Variants in THSD7B observed in about 807,000 individuals in gnomAD.
THSD7B encodes thrombospondin type-1 domain-containing protein 7B.
Under a neutral mutation model 213.6 loss-of-function variants are expected in THSD7B, and 138 were observed. The observed-to-expected ratio is 0.65, with a 90% CI of 0.56 to 0.74. The LOEUF is 0.74. Among genes scored for constraint, THSD7B ranks in the 30% least tolerant of loss-of-function variants. THSD7B has a pLI of 0.00. For missense variants in THSD7B, 1,931 were observed against 1,991.5 expected (o/e 0.97, Z 0.58); for synonymous variants, 742 against 687.0 (o/e 1.08, Z -1.25).
intron 7 of THSD7B, among the ~76,000 whole-genome samples, chr2:137,208,447 T>G (rs1421919049): frequency 6.6e-6 from 1 of 152,062 alleles, no homozygotes; most frequent in East Asian, 1.9e-4. Flanking sequence ...CTTTTTATTT[T>G]GTCGTGCTTT....
intron 12 of THSD7B, among the ~76,000 whole-genome samples, chr2:137,337,436 G>A (rs568797598): frequency 6.6e-6 from 1 of 152,140 alleles, no homozygotes; most frequent in East Asian, 1.9e-4. Context: ...GGCAATAATA[G>A]CATCGAATCA....
At chr2:137,489,031 T>G (rs963010280) in intron 15 of THSD7B, among the ~76,000 whole-genome samples, 1 of 152,226 alleles carries the variant, frequency 6.6e-6, no homozygotes, top group African/African-American at 2.4e-5. Flanking sequence ...CTATACTTAT[T>G]GACTAAAAGA....
At chr2:137,546,017 G>A (rs1680701457) in intron 15 of THSD7B, among the ~76,000 whole-genome samples, 1 of 151,182 alleles carries the variant, frequency 6.6e-6, no homozygotes, top group Non-Finnish European at 1.5e-5. Context: ...GGGTAATATT[G>A]TCTTATTACT....
At chr2:137,144,752 A>G (rs1297331093) in intron 5 of THSD7B, among the ~76,000 whole-genome samples, 1 of 152,096 alleles carries the variant, frequency 6.6e-6, no homozygotes, top group Non-Finnish European at 1.5e-5. Flanking sequence ...TTTCATGGAG[A>G]AGAACATCAT....
chr2:137,454,691 C>A (rs746907744), intron 15 of THSD7B, among the ~76,000 whole-genome samples: 6 of 151,984 alleles, frequency 3.9e-5, no homozygotes, highest in Non-Finnish European at 7.4e-5. Flanking sequence ...TTATTTATGG[C>A]AATTCTTTAG....
At chr2:136,978,763 T>C (rs150762536) in intron 2 of THSD7B, among the ~76,000 whole-genome samples, 77 of 152,298 alleles carry the variant, frequency 5.1e-4, no homozygotes, top group Non-Finnish European at 7.5e-4. Context: ...TGTCTTTTGA[T>C]TGGGGCATTT....
chr2:136,944,990 T>C (rs1373673551), intron 2 of THSD7B, among the ~76,000 whole-genome samples: 1 of 152,204 alleles, frequency 6.6e-6, no homozygotes, highest in Admixed American at 6.5e-5. Context: ...GCATCGATGG[T>C]CTTTACAATT....
At chr2:136,965,463 G>C (rs1231389772) in intron 2 of THSD7B, among the ~76,000 whole-genome samples, 1 of 152,220 alleles carries the variant, frequency 6.6e-6, no homozygotes, top group Non-Finnish European at 1.5e-5. Context: ...ACCTGGAGGA[G>C]AGGAAGGAGC....
intron 17 of THSD7B, among the ~76,000 whole-genome samples, chr2:137,606,344 G>A (rs1268794955): frequency 6.6e-6 from 1 of 152,172 alleles, no homozygotes; most frequent in Non-Finnish European, 1.5e-5. Context: ...CTAGCCCCAA[G>A]TATGCAACTG....
At chr2:136,993,057 G>C (rs1162297833) in intron 2 of THSD7B, among the ~76,000 whole-genome samples, 3 of 152,176 alleles carry the variant, frequency 2.0e-5, no homozygotes, top group Non-Finnish European at 4.4e-5. Context: ...TCAGTCAAGT[G>C]ATGAGCAAAA....
intron 11 of THSD7B, among the ~76,000 whole-genome samples, chr2:137,274,301 A>G (rs574034926): frequency 1.3e-5 from 2 of 152,246 alleles, no homozygotes; most frequent in African/African-American, 4.8e-5. Context: ...TTTTATCATT[A>G]TCTTCTGATT....
intron 2 of THSD7B, among the ~76,000 whole-genome samples, chr2:136,944,025 A>G (rs1030279943): frequency 2.0e-5 from 3 of 152,140 alleles, no homozygotes; most frequent in Admixed American, 2.0e-4. Context: ...ATCTAGTGCT[A>G]TACATTTCCC....
chr2:136,767,564 GA>G (rs898316020), intron 1 of THSD7B, among the ~76,000 whole-genome samples: 2 of 151,746 alleles, frequency 1.3e-5, no homozygotes, highest in East Asian at 1.9e-4. Flanking sequence ...AAATTTAAGT[GA>G]AAAAAATTAT....
chr2:137,167,950 ACT>A (rs1356818104), intron 6 of THSD7B, among the ~76,000 whole-genome samples: 1 of 152,192 alleles, frequency 6.6e-6, no homozygotes, highest in Non-Finnish European at 1.5e-5. Flanking sequence ...GGAGGCAATG[ACT>A]CTGAAAGACT....
At chr2:137,360,857 G>T (rs756442268) in intron 12 of THSD7B, among the ~76,000 whole-genome samples, 1 of 152,076 alleles carries the variant, frequency 6.6e-6, no homozygotes, top group Non-Finnish European at 1.5e-5. Flanking sequence ...GAGAGCAGTG[G>T]GTCTCCCAGC....
chr2:137,607,096 A>G (rs1448083739), intron 17 of THSD7B, among the ~76,000 whole-genome samples: 1 of 152,144 alleles, frequency 6.6e-6, no homozygotes, highest in Non-Finnish European at 1.5e-5. Flanking sequence ...GGCAAAAGCT[A>G]TGATATCATT....
At chr2:137,486,832 A>T (rs1688458241) in intron 15 of THSD7B, among the ~76,000 whole-genome samples, 1 of 152,210 alleles carries the variant, frequency 6.6e-6, no homozygotes, top group Non-Finnish European at 1.5e-5. Flanking sequence ...ACTCAGGATT[A>T]AGAAACTCAC....
intron 1 of THSD7B, among the ~76,000 whole-genome samples, chr2:136,800,410 G>T (rs1682155195): frequency 6.6e-6 from 1 of 151,836 alleles, no homozygotes; most frequent in Non-Finnish European, 1.5e-5. Context: ...CCTCTCTGTG[G>T]CTTACAGTAA....
chr2:137,585,654 T>G (rs1487042792), intron 17 of THSD7B, among the ~76,000 whole-genome samples: 1 of 152,152 alleles, frequency 6.6e-6, no homozygotes, highest in East Asian at 1.9e-4. Context: ...TGGTTTTGAG[T>G]GAGTTTCTTA....
Sources: gnomAD v4.1 joint callset for allele counts (sites outside exome capture counted in the v4.1 genomes callset) on GRCh38, gnomAD v4.1.1 for gene constraint, MANE v1.5 for transcripts, NCBI Gene and HGNC (gene_info 2026-07-23, HGNC 2026-07-21) for gene names.